SVIP: variants seen among roughly 807,000 people sequenced by gnomAD.
The protein encoded by SVIP is small VCP interacting protein.
Under a neutral mutation model 12.9 loss-of-function variants are expected in SVIP, and 14 were observed. The ratio of observed to expected loss-of-function variants is 1.08; its 90% confidence interval spans 0.72 to 1.70. SVIP has a LOEUF of 1.70. Among genes scored for constraint, SVIP ranks in the 40% most tolerant of loss-of-function variants. The pLI is 0.00. For missense variants in SVIP, 93 were observed against 90.8 expected (o/e 1.02, Z -0.10); for synonymous variants, 35 against 33.3 (o/e 1.05, Z -0.17).
chr11:22,824,027 C>T (rs1857577539), intron 3 of SVIP, among the ~76,000 whole-genome samples: 1 of 152,226 alleles, frequency 6.6e-6, no homozygotes, highest in African/African-American at 2.4e-5. Flanking sequence ...GTGTGAGTGA[C>T]TGTGCTCAGC....
In SVIP at chr11:22,819,199, T is replaced by A. The variant is rs987518941; in HGVS notation, c.*3920A>T. On this transcript the variant is annotated 3_prime_UTR_variant, in exon 4 of 4. Coordinates refer to ENST00000354193, the MANE Select transcript of SVIP (RefSeq NM_148893.3). ...TTGGTATTAACCTACTTTAAATATA[T>A]CTGTTACATTTATAATGTAACTATG... The A allele has an allele frequency of 1.3e-5, 2 of 152,192 alleles. No individual in the cohort carries two copies. Among genetic ancestry groups the A allele is most frequent in the African/African-American group, 2.4e-5 (1 of 41,446 alleles). The allele number at this position is 152,192 out of a possible 1,614,324, so 9.4% of individuals were successfully genotyped here.
chr11:22,829,548 C>A lies in SVIP; in HGVS notation c.54+147G>T, dbSNP rs370965634. ...CGCTCTGACAGGACCCAACGACCCT[C>A]CTGACGCGTCCACCCGTCCTCGCTA... On this transcript the variant is annotated intron_variant, in intron 1 of 3. Coordinates refer to ENST00000354193, the MANE Select transcript of SVIP (RefSeq NM_148893.3). The A allele has an allele frequency of 8.1e-4, 619 of 762,890 alleles. 1 individual carries two copies. Among genetic ancestry groups the A allele is most frequent in the Non-Finnish European group, 1.1e-3 (537 of 475,262 alleles). 47.3% of individuals were successfully genotyped at this position (762,890 alleles called of 1,614,324 possible).
intron 3 of SVIP, among the ~76,000 whole-genome samples, chr11:22,825,559 C>A (rs1039221007): frequency 1.3e-5 from 2 of 152,070 alleles, no homozygotes; most frequent in Admixed American, 1.3e-4. Context: ...AGATTTCTTA[C>A]AAGAACAGTA....
At chr11:22,824,449 T>C (rs1486536049) in intron 3 of SVIP, among the ~76,000 whole-genome samples, 8 of 99,850 alleles carry the variant, frequency 8.0e-5, no homozygotes, top group East Asian at 4.7e-4. Context: ...CACACACATA[T>C]ATATATATAT....
At position 22,829,731 on chromosome 11, in the gene SVIP, A is replaced by G. The variant is rs1857889617; in HGVS notation, c.18T>C (p.Pro6=). The change falls in exon 1 of 4, where the codon CCT becomes CCC. Residue 6 remains proline, a synonymous_variant. Transcript: ENST00000354193. ...TGGGAGGCGCGGACTCCCCGGGACA[A>G]GGAAAACACAGCCCCATAGGGACGA... MGLCF[P]CPGESAPPTP... is the part of the protein sequence containing the mutation. 3 of 1,607,766 alleles carry G rather than the reference A, an allele frequency of 1.9e-6. No homozygotes were observed. The South Asian group carries it at 3.3e-5, about 18-fold the overall frequency.
rs1273418547 is a variant in SVIP, at chr11:22,829,773, A to G, written c.-25T>C. The G allele has an allele frequency of 2.5e-6, 4 of 1,594,088 alleles. No individual in the cohort carries two copies. Among genetic ancestry groups the G allele is most frequent in the Non-Finnish European group, 3.4e-6 (4 of 1,171,280 alleles). ...TAGGGACGACAGCTTGAGAACCCTGACCGGGTCCGGCCCAGGCCAGGCGGC... is the reference window on the plus strand; with the variant it reads ...TAGGGACGACAGCTTGAGAACCCTGGCCGGGTCCGGCCCAGGCCAGGCGGC... On this transcript the variant is annotated 5_prime_UTR_variant, in exon 1 of 4. Coordinates refer to ENST00000354193, the MANE Select transcript of SVIP (RefSeq NM_148893.3).
At chr11:22,828,457 T>C (rs1857808167) in intron 1 of SVIP, among the ~76,000 whole-genome samples, 1 of 152,190 alleles carries the variant, frequency 6.6e-6, no homozygotes, top group South Asian at 2.1e-4. Context: ...CAAATTCCAA[T>C]TGCGGGCGCA....
In SVIP at chr11:22,819,512, C is replaced by T. The variant is rs1857413668; in HGVS notation, c.*3607G>A. 1 of 152,306 alleles carries T rather than the reference C, an allele frequency of 6.6e-6. No individual in the cohort carries two copies. The highest frequency in any genetic ancestry group is 2.4e-5 in the African/African-American group (1 of 41,460). The allele number at this position is 152,306 out of a possible 1,614,324, so 9.4% of individuals were successfully genotyped here. ...GCAGGCCGGGCGCGGTGGCTCATGC[C>T]TGTAATCCCAGCACTTTGGGAGGCC... On this transcript the variant is annotated 3_prime_UTR_variant, in exon 4 of 4. Coordinates refer to ENST00000354193, the MANE Select transcript of SVIP (RefSeq NM_148893.3).
In SVIP at chr11:22,823,068, T is replaced by C. The variant is rs748176418; in HGVS notation, c.*51A>G. The C allele has an allele frequency of 1.8e-5, 26 of 1,482,892 alleles. No individual in the cohort carries two copies. Among genetic ancestry groups the C allele is most frequent in the Middle Eastern group, 1.8e-4 (1 of 5,708 alleles). The allele number at this position is 1,482,892 out of a possible 1,614,324, so 91.9% of individuals were successfully genotyped here. On this transcript the variant is annotated 3_prime_UTR_variant, in exon 4 of 4. Coordinates refer to ENST00000354193, the MANE Select transcript of SVIP (RefSeq NM_148893.3). ...ATTAAATTGATGAAGCCCACTTGAT[T>C]GCAGATAATAAACAGTTATTGGCAG...
chr11:22,818,991 CTAAA>C lies in SVIP; in HGVS notation c.*4124_*4127del, dbSNP rs1158348093. 9 of 152,046 alleles carry C rather than the reference CTAAA, an allele frequency of 5.9e-5. No homozygotes were observed. The South Asian group carries it at 6.2e-4, about 11-fold the overall frequency. 9.4% of individuals were successfully genotyped at this position (152,046 alleles called of 1,614,324 possible). ...TTTAATGTCTACAGTTTTATTTTTC[CTAAA>C]TATTTTATTTGTTGATATTGTAATT... On this transcript the variant is annotated 3_prime_UTR_variant, in exon 4 of 4. Coordinates refer to ENST00000354193, the MANE Select transcript of SVIP (RefSeq NM_148893.3).
chr11:22,824,384 T>G (rs1857595868), intron 3 of SVIP, among the ~76,000 whole-genome samples: 1 of 150,736 alleles, frequency 6.6e-6, no homozygotes, highest in Non-Finnish European at 1.5e-5. Context: ...CTCTTGATAG[T>G]GTTTTCCAAG....
At chr11:22,826,908 T>C (rs991768516) in intron 3 of SVIP, among the ~76,000 whole-genome samples, 2 of 152,168 alleles carry the variant, frequency 1.3e-5, no homozygotes, top group Non-Finnish European at 2.9e-5. Context: ...CACTTCTTTA[T>C]ACTTCTCCAT....
chr11:22,829,341 G>A (rs1459546382), intron 1 of SVIP: 1 of 225,774 alleles, frequency 4.4e-6, no homozygotes, highest in African/African-American at 2.3e-5. Context: ...ATGTCTTTTC[G>A]CGCCGAATTC....
chr11:22,829,584 C>A (rs1279664034), intron 1 of SVIP, 111 bp downstream of exon 1: 1 of 1,157,642 alleles, frequency 8.6e-7, no homozygotes, highest in Non-Finnish European at 1.2e-6. Flanking sequence ...GCAGGGTCCC[C>A]CAGCGGGCTC....
intron 2 of SVIP, 51 bp from the exon 3 acceptor site, chr11:22,827,371 T>C: frequency 6.9e-7 from 1 of 1,449,138 alleles, no homozygotes; most frequent in Non-Finnish European, 9.4e-7. Context: ...ATCTGTCCAG[T>C]GTGCAAAACA....
At position 22,822,716 on chromosome 11, in the gene SVIP, TAA is replaced by T. The variant is rs1321658680; in HGVS notation, c.*401_*402del. The T allele has an allele frequency of 6.3e-6, 1 of 159,048 alleles. No homozygotes were observed. Among genetic ancestry groups the T allele is most frequent in the African/African-American group, 2.4e-5 (1 of 41,612 alleles). 9.9% of individuals were successfully genotyped at this position (159,048 alleles called of 1,614,324 possible). A position where few individuals can be genotyped will look rare whatever the true frequency, so the allele number is the denominator to read the frequency against. On this transcript the variant is annotated 3_prime_UTR_variant, in exon 4 of 4. Coordinates refer to ENST00000354193, the MANE Select transcript of SVIP (RefSeq NM_148893.3). ...TTAATCAAACATCTTCATAGTGAAA[TAA>T]AAACAGATGTAACGCGATGCAGCAC...
chr11:22,822,315 C>G lies in SVIP; in HGVS notation c.*804G>C, dbSNP rs1206736058. ...CTCTAATAAGTACACAAGATTAACA[C>G]TACTTATGAAATATGGACAAATATA... On this transcript the variant is annotated 3_prime_UTR_variant, in exon 4 of 4. Coordinates refer to ENST00000354193, the MANE Select transcript of SVIP (RefSeq NM_148893.3). 1 of 152,092 alleles carries G rather than the reference C, an allele frequency of 6.6e-6. No individual in the cohort carries two copies. Among genetic ancestry groups the G allele is most frequent in the Non-Finnish European group, 1.5e-5 (1 of 67,976 alleles). The allele number at this position is 152,092 out of a possible 1,614,324, so 9.4% of individuals were successfully genotyped here. A position where few individuals can be genotyped will look rare whatever the true frequency, so the allele number is the denominator to read the frequency against.
Position 22,827,864 on chromosome 11 carries a change from CTT to C in SVIP, c.63_64del (p.Arg22SerfsTer51), listed in dbSNP as rs1857781759. ...CTCTGCAGCCTCTGCAAGCTTTGCTCTTTTCTCTTCCTAAATAAATGTGTAAA... is the reference window on the plus strand; with the variant it reads ...CTCTGCAGCCTCTGCAAGCTTTGCTCTTCTCTTCCTAAATAAATGTGTAAA... On this transcript the variant is annotated frameshift_variant, in exon 2 of 4. Transcript: ENST00000354193. LOFTEE classifies it high-confidence loss of function. 6.3e-7 allele frequency: 1 copy of C among 1,575,904 alleles called. No individual in the cohort carries two copies. The highest frequency in any genetic ancestry group is 8.6e-7 in the Non-Finnish European group (1 of 1,162,496).
rs376902204 is a variant in SVIP at position 22,820,546 on chromosome 11, G to T, written c.*2573C>A. On this transcript the variant is annotated 3_prime_UTR_variant, in exon 4 of 4. Coordinates refer to ENST00000354193, the MANE Select transcript of SVIP (RefSeq NM_148893.3). ...GAGGTTTCCCTAACCACCAACTCAG[G>T]TTCTAAGTATTTAGGATGTAGTAAA... The T allele has an allele frequency of 2.6e-5, 4 of 152,092 alleles. No homozygotes were observed. The highest frequency in any genetic ancestry group is 7.2e-5 in the African/African-American group (3 of 41,418). 9.4% of individuals were successfully genotyped at this position (152,092 alleles called of 1,614,324 possible).
Sources: allele counts gnomAD v4.1 joint callset (sites outside exome capture counted in the v4.1 genomes callset), GRCh38; gene constraint gnomAD v4.1.1; transcripts MANE v1.5; gene names NCBI Gene and HGNC (gene_info 2026-07-23, HGNC 2026-07-21).